Variants in ACOX1 observed in about 807,000 individuals in gnomAD.
The protein encoded by ACOX1 is peroxisomal acyl-coenzyme A oxidase 1.
Under a neutral mutation model 75.5 loss-of-function variants are expected in ACOX1, and 41 were observed. That is an observed-to-expected ratio of 0.54 (90% CI 0.42 to 0.70). The LOEUF (loss-of-function observed/expected upper bound fraction) is 0.70. ACOX1 is among the 30% of genes least tolerant of loss of function. ACOX1 has a pLI of 0.00. For missense variants in ACOX1, 630 were observed against 837.5 expected (o/e 0.75, Z 3.06); for synonymous variants, 303 against 298.8 (o/e 1.01, Z -0.15).
At position 75,946,495 on chromosome 17, in the gene ACOX1, C is replaced by T. The variant is rs2065721541; in HGVS notation, c.*253G>A. On this transcript the variant is annotated 3_prime_UTR_variant, in exon 14 of 14. Coordinates refer to ENST00000293217, the MANE Select transcript of ACOX1 (RefSeq NM_004035.7). ...TAGTCTACTGGGATCAGCAGCATTA[C>T]AAAAGGAAGTCATATCGCATTTCTT... 8.4e-6 allele frequency: 4 copies of T among 477,142 alleles called. No individual in the cohort carries two copies. The highest frequency in any genetic ancestry group is 6.6e-5 in the Admixed American group (2 of 30,252). The allele number at this position is 477,142 out of a possible 1,614,324, so 29.6% of individuals were successfully genotyped here. A position where few individuals can be genotyped will look rare whatever the true frequency, so the allele number is the denominator to read the frequency against.
chr17:75,955,417 C>A lies in ACOX1; in HGVS notation c.774+149G>T. 3 of 723,514 alleles carry A rather than the reference C, an allele frequency of 4.1e-6. No individual in the cohort carries two copies. In the South Asian group the frequency reaches 4.6e-5, roughly 11 times the overall value. 44.8% of individuals were successfully genotyped at this position (723,514 alleles called of 1,614,324 possible). A position where few individuals can be genotyped will look rare whatever the true frequency, so the allele number is the denominator to read the frequency against. On this transcript the variant is annotated intron_variant, in intron 6 of 13. Coordinates refer to ENST00000293217, the MANE Select transcript of ACOX1 (RefSeq NM_004035.7). ...GGGCTCAAGTCATCCACGCACTCAG[C>A]CTCCCAAAGTGCTGGGATAACAGGA... is the stretch of plus-strand genomic sequence containing the variant.
chr17:75,942,166 C>G lies in ACOX1; in HGVS notation c.*4582G>C, dbSNP rs1232233120. 1 of 152,162 alleles carries G rather than the reference C, an allele frequency of 6.6e-6. No homozygotes were observed. The highest frequency in any genetic ancestry group is 1.5e-5 in the Non-Finnish European group (1 of 68,062). The allele number at this position is 152,162 out of a possible 1,614,324, so 9.4% of individuals were successfully genotyped here. A position where few individuals can be genotyped will look rare whatever the true frequency, so the allele number is the denominator to read the frequency against. ...AAAACACTGGCCCGGCACGGTGGCT[C>G]ACGCCTGTAATCCCAGCACTTTGGG... On this transcript the variant is annotated 3_prime_UTR_variant, in exon 14 of 14. Transcript: ENST00000293217.
intron 2 of ACOX1, among the ~76,000 whole-genome samples, chr17:75,977,907 A>G (rs1330869549): frequency 1.3e-5 from 2 of 152,188 alleles, no homozygotes; most frequent in African/African-American, 4.8e-5. Context: ...TTCTGCATTT[A>G]AATCAGTCAA....
intron 2 of ACOX1, chr17:75,973,771 T>C (rs755602461): frequency 1.2e-6 from 2 of 1,614,098 alleles, no homozygotes; most frequent in African/African-American, 1.3e-5. Flanking sequence ...TTCCACAAAA[T>C]TGACCAAATG....
chr17:75,952,203 G>A (rs996929054), intron 7 of ACOX1, among the ~76,000 whole-genome samples: 1 of 152,168 alleles, frequency 6.6e-6, no homozygotes, highest in East Asian at 1.9e-4. Context: ...CCACAATCTT[G>A]GAGAAGACCC....
intron 2 of ACOX1, among the ~76,000 whole-genome samples, chr17:75,964,960 T>A (rs74348611): frequency 0.019 from 2,819 of 152,146 alleles, 86 homozygotes; most frequent in African/African-American, 0.065. Context: ...GTAGAAAGCA[T>A]GAGTATCATC....
intron 4 of ACOX1, among the ~76,000 whole-genome samples, chr17:75,956,918 T>G (rs1340365824): frequency 4.9e-5 from 2 of 40,634 alleles, no homozygotes; most frequent in Non-Finnish European, 8.4e-5. Flanking sequence ...TTCCTCTCTC[T>G]CTCTCTCTCT....
chr17:75,954,979 T>C (rs1412937359), intron 6 of ACOX1, among the ~76,000 whole-genome samples: 1 of 152,054 alleles, frequency 6.6e-6, no homozygotes, highest in Non-Finnish European at 1.5e-5. Context: ...GCTATTCTCC[T>C]GCCTCAGCCT....
At chr17:75,946,943 A>G (rs2065725905) in intron 13 of ACOX1, 148 bp from the exon 14 acceptor site, 2 of 721,262 alleles carry the variant, frequency 2.8e-6, no homozygotes, top group Admixed American at 4.7e-5. Context: ...ATCTTGGCTC[A>G]CTACAGCCTC....
chr17:75,945,891 T>A lies in ACOX1; in HGVS notation c.*857A>T, dbSNP rs1209142012. 6.6e-6 allele frequency: 1 copy of A among 152,270 alleles called. No individual in the cohort carries two copies. The highest frequency in any genetic ancestry group is 1.5e-5 in the Non-Finnish European group (1 of 68,030). 9.4% of individuals were successfully genotyped at this position (152,270 alleles called of 1,614,324 possible). On this transcript the variant is annotated 3_prime_UTR_variant, in exon 14 of 14. Coordinates refer to ENST00000293217, the MANE Select transcript of ACOX1 (RefSeq NM_004035.7). Reference sequence around the variant, plus strand: ...TGTGCTACGTCTGGGAGTGCTGACCTAAGTGACATTTTTTTTTAATGCCAA... The same window carrying A: ...TGTGCTACGTCTGGGAGTGCTGACCAAAGTGACATTTTTTTTTAATGCCAA...
At chr17:75,952,329 CT>C (rs2065781878) in intron 7 of ACOX1, among the ~76,000 whole-genome samples, 1 of 151,992 alleles carries the variant, frequency 6.6e-6, no homozygotes, top group Non-Finnish European at 1.5e-5. Flanking sequence ...GATGAAGTCT[CT>C]AACACCCAGG....
Position 75,944,361 on chromosome 17 carries a change from G to A in ACOX1, c.*2387C>T, listed in dbSNP as rs1167103736. The A allele has an allele frequency of 1.3e-5, 2 of 152,222 alleles. No homozygotes were observed. The highest frequency in any genetic ancestry group is 2.9e-5 in the Non-Finnish European group (2 of 68,030). The allele number at this position is 152,222 out of a possible 1,614,324, so 9.4% of individuals were successfully genotyped here. ...ACCCAAACTTGTCAGTGGCAGTCTA[G>A]TGTGGTAGAGAGAACAAACTGGACT... On this transcript the variant is annotated 3_prime_UTR_variant, in exon 14 of 14. Coordinates refer to ENST00000293217, the MANE Select transcript of ACOX1 (RefSeq NM_004035.7).
chr17:75,946,574 A>C lies in ACOX1; in HGVS notation c.*174T>G. 1.5e-6 allele frequency: 1 copy of C among 648,706 alleles called. No homozygotes were observed. The highest frequency in any genetic ancestry group is 1.7e-5 in the South Asian group (1 of 59,330). The allele number at this position is 648,706 out of a possible 1,614,324, so 40.2% of individuals were successfully genotyped here. ...TCTTTCAGTGTTAATTGCACTTAAA[A>C]CATCTGCTTTTTTTCATTTAATCTC... On this transcript the variant is annotated 3_prime_UTR_variant, in exon 14 of 14. Coordinates refer to ENST00000293217, the MANE Select transcript of ACOX1 (RefSeq NM_004035.7).
chr17:75,969,092 C>T (rs2065969447), intron 2 of ACOX1, among the ~76,000 whole-genome samples: 1 of 152,140 alleles, frequency 6.6e-6, no homozygotes, highest in Admixed American at 6.6e-5. Flanking sequence ...GCTCATGTCC[C>T]TCAATATAGT....
At chr17:75,947,338 C>T (rs2065730908) in intron 13 of ACOX1, among the ~76,000 whole-genome samples, 1 of 151,508 alleles carries the variant, frequency 6.6e-6, no homozygotes, top group Non-Finnish European at 1.5e-5. Context: ...ACCTCCGCCT[C>T]CCAGGCTCAA....
intron 2 of ACOX1, among the ~76,000 whole-genome samples, chr17:75,962,274 T>C (rs1486486099): frequency 6.6e-6 from 1 of 152,186 alleles, no homozygotes; most frequent in Non-Finnish European, 1.5e-5. Context: ...CCGTGACAAT[T>C]ATACAGAAAT....
At position 75,951,000 on chromosome 17, in the gene ACOX1, T is replaced by C. The variant is rs1298791742; in HGVS notation, c.1108-36A>G. On this transcript the variant is annotated intron_variant, in intron 8 of 13. Coordinates refer to ENST00000293217, the MANE Select transcript of ACOX1 (RefSeq NM_004035.7). The surrounding 1 kb of genome is among the most constrained non-coding windows in gnomAD (Gnocchi z 4.3). ...AAGCACAGATCTGTCAGGACATCTG[T>C]GGTGCTGAGAGCCCGAGAACCAATG... The C allele has an allele frequency of 1.2e-6, 2 of 1,606,562 alleles. No individual in the cohort carries two copies. Among genetic ancestry groups the C allele is most frequent in the Non-Finnish European group, 1.7e-6 (2 of 1,175,330 alleles).
intron 6 of ACOX1, among the ~76,000 whole-genome samples, chr17:75,954,509 A>ACT (rs200331062): frequency 1.3e-4 from 16 of 127,712 alleles, no homozygotes; most frequent in Non-Finnish European, 1.7e-4. Flanking sequence ...GGTGACAGAG[A>ACT]CTCTCTCTCT....
rs1003487898 is a variant in ACOX1, at chr17:75,944,153, G to C, written c.*2595C>G. Reference sequence around the variant, plus strand: ...GGAGACTGAGGAGGGAGGACCATTTGAACCCGGGAGGCAGAGGTCACAGTA... The same window carrying C: ...GGAGACTGAGGAGGGAGGACCATTTCAACCCGGGAGGCAGAGGTCACAGTA... On this transcript the variant is annotated 3_prime_UTR_variant, in exon 14 of 14. Coordinates refer to ENST00000293217, the MANE Select transcript of ACOX1 (RefSeq NM_004035.7). The C allele has an allele frequency of 1.3e-5, 2 of 152,208 alleles. No individual in the cohort carries two copies. The highest frequency in any genetic ancestry group is 4.8e-5 in the African/African-American group (2 of 41,452). 9.4% of individuals were successfully genotyped at this position (152,208 alleles called of 1,614,324 possible). A position where few individuals can be genotyped will look rare whatever the true frequency, so the allele number is the denominator to read the frequency against.
Sources: gnomAD v4.1 joint callset for allele counts (sites outside exome capture counted in the v4.1 genomes callset) on GRCh38, gnomAD v4.1.1 for gene constraint, Gnocchi (gnomAD v3.1) non-coding constraint, MANE v1.5 for transcripts, NCBI Gene and HGNC (gene_info 2026-07-23, HGNC 2026-07-21) for gene names.